LILRA1: variants seen among roughly 807,000 people sequenced by gnomAD.
LILRA1 encodes leukocyte immunoglobulin like receptor A1.
LILRA1 carries 51 observed loss-of-function variants against 51.6 expected under a neutral mutation model. That is an observed-to-expected ratio of 0.99 (90% CI 0.79 to 1.25). The LOEUF (loss-of-function observed/expected upper bound fraction) is 1.25. LILRA1 is among the 50% of genes most tolerant of loss of function. The probability of loss-of-function intolerance (pLI) is 0.00; values close to 1 mark genes in which losing one functional copy is unlikely to be tolerated. For synonymous variants in LILRA1, 305 were observed against 248.4 expected (o/e 1.23, Z -2.14); for missense variants, 660 against 611.7 (o/e 1.08, Z -0.83).
chr19:54,593,771 C>T lies in LILRA1; in HGVS notation c.-59C>T, dbSNP rs577416038. 2.4e-5 allele frequency: 27 copies of T among 1,148,654 alleles called. No homozygotes were observed. Among genetic ancestry groups the T allele is most frequent in the East Asian group, 1.5e-4 (3 of 20,098 alleles). 71.2% of individuals were successfully genotyped at this position (1,148,654 alleles called of 1,614,324 possible). Reference sequence around the variant, plus strand: ...TGAAGCATCTCCAGGGCTGGAGGGACGACTGCCATGGTAAGGACCCCACAA... The same window carrying T: ...TGAAGCATCTCCAGGGCTGGAGGGATGACTGCCATGGTAAGGACCCCACAA... On this transcript the variant is annotated 5_prime_UTR_variant, in exon 1 of 10. It adds an upstream start codon to the 5' untranslated region. Coordinates refer to ENST00000251372, the MANE Select transcript of LILRA1 (RefSeq NM_006863.4).
In LILRA1 at chr19:54,602,193, C is replaced by T. The variant is rs558303052; in HGVS notation, c.*1376C>T. On this transcript the variant is annotated 3_prime_UTR_variant, in exon 10 of 10. Transcript: ENST00000251372. ...TCTAGAATAAAGAAATCTTATCATTCGCCATCTACCCTCTAGAATAAAGAA... is the reference window on the plus strand; with the variant it reads ...TCTAGAATAAAGAAATCTTATCATTTGCCATCTACCCTCTAGAATAAAGAA... 2.0e-5 allele frequency: 3 copies of T among 151,884 alleles called. No homozygotes were observed. The highest frequency in any genetic ancestry group is 7.2e-5 in the African/African-American group (3 of 41,416). The allele number at this position is 151,884 out of a possible 1,614,324, so 9.4% of individuals were successfully genotyped here. A position where few individuals can be genotyped will look rare whatever the true frequency, so the allele number is the denominator to read the frequency against.
Position 54,595,411 on chromosome 19 carries a change from T to C in LILRA1, c.661+9T>C. The C allele has an allele frequency of 1.2e-6, 2 of 1,600,200 alleles. No homozygotes were observed. Among genetic ancestry groups the C allele is most frequent in the Non-Finnish European group, 1.7e-6 (2 of 1,172,462 alleles). On this transcript the variant is annotated intron_variant, in intron 5 of 9. Transcript: ENST00000251372. ...GGAGCTCCTGGTCCTAGGTGAGAAA[T>C]TCACAGCATTGCCTGGAGTTCCCTG...
chr19:54,595,079 T>G lies in LILRA1; in HGVS notation c.359-21T>G, dbSNP rs746092692. 2.0e-5 allele frequency: 32 copies of G among 1,603,370 alleles called. 1 individual carries two copies. The South Asian group carries it at 3.5e-4, about 17-fold the overall frequency. On this transcript the variant is annotated intron_variant, in intron 4 of 9. Transcript: ENST00000251372. ...TGGGAGGTGTGAGCCCCATTTAACATGGTGCCTCCTTCTCTCCTAGGAGCC... is the reference window on the plus strand; with the variant it reads ...TGGGAGGTGTGAGCCCCATTTAACAGGGTGCCTCCTTCTCTCCTAGGAGCC...
intron 4 of LILRA1, 52 bp downstream of exon 4, chr19:54,595,004 G>A (rs376302463): frequency 3.1e-6 from 5 of 1,607,564 alleles, no homozygotes; most frequent in Non-Finnish European, 4.2e-6. Context: ...CAGGAAGGGA[G>A]TCAGTTCTCA....
intron 7 of LILRA1, 76 bp downstream of exon 7, chr19:54,596,567 C>T: frequency 6.3e-7 from 1 of 1,579,760 alleles, no homozygotes. Context: ...GCTCTGGACA[C>T]TAAGAAAAGA....
chr19:54,600,384 C>T (rs2063142208), intron 8 of LILRA1, 128 bp from the exon 9 acceptor site: 3 of 860,704 alleles, frequency 3.5e-6, no homozygotes, highest in African/African-American at 1.7e-5. Context: ...GGAGGGAACC[C>T]TGCTACACAG....
intron 7 of LILRA1, among the ~76,000 whole-genome samples, chr19:54,597,484 A>G (rs531039045): frequency 1.3e-5 from 2 of 152,090 alleles, no homozygotes; most frequent in Non-Finnish European, 2.9e-5. Context: ...TTCTACTGAA[A>G]GCAACACGTG....
At position 54,594,852 on chromosome 19, in the gene LILRA1, A is replaced by G. The variant is rs10416917; in HGVS notation, c.258A>G (p.Pro86=). 0.14 allele frequency: 219,140 copies of G among 1,611,540 alleles called. 19,677 individuals are homozygous for G. The highest frequency in any genetic ancestry group is 0.46 in the African/African-American group (34,089 of 74,028). The change falls in exon 4 of 10, where the codon CCA becomes CCG. Residue 86 remains proline, a synonymous_variant. Coordinates refer to ENST00000251372, the MANE Select transcript of LILRA1 (RefSeq NM_006863.4). ...TGAAGAAGGGCCAGTTCCCCATCCC[A>G]TCCATCACCTGGGAACACACAGGGC... ...EIVKKGQFPI[P]SITWEHTGRY... is the part of the protein sequence containing the mutation.
rs201731194 is a variant in LILRA1 at position 54,595,137 on chromosome 19, C to A, written c.396C>A (p.Ser132Arg). Residue 132 changes from serine to arginine, a missense_variant, in exon 5 of 10, where the codon AGC becomes AGA. Coordinates refer to ENST00000251372, the MANE Select transcript of LILRA1 (RefSeq NM_006863.4). ...YIKPTLSALPSPVVTSGGNVT... is the reference protein window; with the variant it reads ...YIKPTLSALPRPVVTSGGNVT... The stretch of plus-strand genomic sequence containing the variant: ...AACCCACCCTCTCAGCTCTACCCAG[C>A]CCTGTGGTGACCTCAGGAGGGAACG... 4.3e-6 allele frequency: 7 copies of A among 1,614,128 alleles called. No individual in the cohort carries two copies. In the South Asian group the frequency reaches 6.6e-5, roughly 15 times the overall value.
chr19:54,594,895 G>A lies in LILRA1; in HGVS notation c.301G>A (p.Gly101Ser), dbSNP rs201715627. Residue 101 changes from glycine (G) to serine (S), a missense_variant, in exon 4 of 10, where the codon GGT (glycine) becomes AGT (serine). By Grantham distance (56) the Gly-to-Ser change is moderately conservative. Coordinates refer to ENST00000251372, the MANE Select transcript of LILRA1 (RefSeq NM_006863.4). ...EHTGRYRCFYGSHTAGWSEPS... is the reference protein window; with the variant it reads ...EHTGRYRCFYSSHTAGWSEPS... ...CACAGGGCGGTATCGCTGTTTCTACGGTAGCCACACTGCAGGCTGGTCAGA... is the reference window on the plus strand; with the variant it reads ...CACAGGGCGGTATCGCTGTTTCTACAGTAGCCACACTGCAGGCTGGTCAGA... 1.5e-3 allele frequency: 2,351 copies of A among 1,614,122 alleles called. 38 individuals are homozygous for A. The South Asian group carries it at 0.024, about 16-fold the overall frequency.
chr19:54,595,513 G>A, intron 5 of LILRA1, 111 bp downstream of exon 5: 1 of 1,540,064 alleles, frequency 6.5e-7, no homozygotes, highest in Non-Finnish European at 8.7e-7. Context: ...GTTGGGGCGA[G>A]AGGGCTCAGG....
intron 5 of LILRA1, 40 bp downstream of exon 5, chr19:54,595,442 C>G: frequency 1.9e-6 from 3 of 1,573,618 alleles, no homozygotes; most frequent in Non-Finnish European, 2.6e-6. Flanking sequence ...CCCTGAGTCT[C>G]CCTGAGTCTC....
Position 54,599,246 on chromosome 19 carries a change from G to A in LILRA1, c.1272G>A (p.Glu424=). Residue 424 remains glutamate, a synonymous_variant, in exon 8 of 10, where the codon GAG becomes GAA. Coordinates refer to ENST00000251372, the MANE Select transcript of LILRA1 (RefSeq NM_006863.4). ...SLELMVSGAA[E]TLSPPQNKSD... ...TGTTTTGATTCTCAGGAGCAGCTGA[G>A]ACCCTCAGCCCACCACAAAACAAGT... The A allele has an allele frequency of 6.4e-7, 1 of 1,573,682 alleles. No individual in the cohort carries two copies. Among genetic ancestry groups the A allele is most frequent in the East Asian group, 2.5e-5 (1 of 39,346 alleles).
chr19:54,596,136 C>G, intron 6 of LILRA1, 53 bp from the exon 7 acceptor site: 1 of 1,567,986 alleles, frequency 6.4e-7, no homozygotes, highest in Non-Finnish European at 8.7e-7. Flanking sequence ...CCTGGGGAGG[C>G]GTCAGCTCAG....
rs776711765 is a variant in LILRA1 at position 54,595,349 on chromosome 19, A to T, written c.608A>T (p.Asn203Ile). Residue 203 changes from asparagine to isoleucine, a missense_variant, in exon 5 of 10, where the codon AAC becomes ATC. Asn to Ile is a moderately radical substitution (Grantham distance 149). Transcript: ENST00000251372. ...TACAGGTGCTATGCTTATGACTCGA[A>T]CTCTCCCCATGTGTGGTCTCTACCC... The part of the protein sequence containing the change: ...WSYRCYAYDS[N>I]SPHVWSLPSD... 6.6e-7 allele frequency: 1 copy of T among 1,526,070 alleles called. No individual in the cohort carries two copies. Among genetic ancestry groups the T allele is most frequent in the East Asian group, 2.3e-5 (1 of 43,188 alleles). 94.5% of individuals were successfully genotyped at this position (1,526,070 alleles called of 1,614,324 possible).
intron 8 of LILRA1, 100 bp from the exon 9 acceptor site, chr19:54,600,412 A>C (rs1199507476): frequency 8.8e-7 from 1 of 1,136,274 alleles, no homozygotes; most frequent in African/African-American, 1.5e-5. Context: ...TTATTGAGGA[A>C]CTCCCTAGAA....
At chr19:54,594,135 G>A in intron 1 of LILRA1, 62 bp from the exon 2 acceptor site, 2 of 1,496,754 alleles carry the variant, frequency 1.3e-6, no homozygotes, top group Non-Finnish European at 1.8e-6. Context: ...CAGCCTCCGA[G>A]TGTCCACACT....
intron 7 of LILRA1, among the ~76,000 whole-genome samples, chr19:54,598,728 G>A (rs1456332913): frequency 1.3e-5 from 2 of 152,042 alleles, no homozygotes; most frequent in African/African-American, 4.8e-5. Context: ...AAATGTAAAG[G>A]AATCAAATAC....
chr19:54,594,613 A>G, intron 3 of LILRA1, 52 bp from the exon 4 acceptor site: 1 of 1,606,870 alleles, frequency 6.2e-7, no homozygotes, highest in South Asian at 1.1e-5. Flanking sequence ...CTGAGAGCTG[A>G]GATATGTTGG....
Sources: allele counts gnomAD v4.1 joint callset (sites outside exome capture counted in the v4.1 genomes callset), GRCh38; gene constraint gnomAD v4.1.1; transcripts MANE v1.5; gene names NCBI Gene and HGNC (gene_info 2026-07-23, HGNC 2026-07-21).